The following HIVEP3 variants were observed in gnomAD, a reference collection of about 807,000 sequenced individuals.
HIVEP3 encodes the protein HIVEP zinc finger 3.
Under a neutral mutation model 152.8 loss-of-function variants are expected in HIVEP3, and 49 were observed. The observed-to-expected ratio is 0.32, with a 90% CI of 0.26 to 0.41. The LOEUF (loss-of-function observed/expected upper bound fraction) is 0.41, where lower values mean the gene tolerates loss of function less well. Among genes scored for constraint, HIVEP3 ranks in the 10% least tolerant of loss-of-function variants. HIVEP3 has a pLI of 1.00. For synonymous variants in HIVEP3, 1,269 were observed against 1,289.0 expected (o/e 0.98, Z 0.33); for missense variants, 2,790 against 3,103.3 (o/e 0.90, Z 2.40).
Position 41,510,893 on chromosome 1 carries a change from A to T in HIVEP3, c.6779T>A (p.Val2260Asp). The T allele has an allele frequency of 6.2e-7, 1 of 1,613,066 alleles. No individual in the cohort carries two copies. Among genetic ancestry groups the T allele is most frequent in the Non-Finnish European group, 8.5e-7 (1 of 1,179,778 alleles). Residue 2260 changes from valine (V) to aspartate (D), a missense_variant, in exon 9 of 9, where the codon GTC (valine) becomes GAC (aspartate). Transcript: ENST00000372583. ...SSASVSPVAK[V>D]SKFTLSSELE... ...CTCTGAGGAGAGTGTGAATTTGGAGACCTTAGCCACAGGCGACACGGAGGC... is the reference window on the plus strand; with the variant it reads ...CTCTGAGGAGAGTGTGAATTTGGAGTCCTTAGCCACAGGCGACACGGAGGC...
rs772841223 is a variant in HIVEP3 at position 41,583,257 on chromosome 1, T to C, written c.1541A>G (p.Glu514Gly). The C allele has an allele frequency of 1.9e-6, 3 of 1,613,326 alleles. No homozygotes were observed. In the South Asian group the frequency reaches 3.3e-5, roughly 18 times the overall value. Residue 514 changes from glutamate to glycine, a missense_variant, in exon 4 of 9, where the codon GAG becomes GGG. By Grantham distance (98) the Glu-to-Gly change is moderately conservative. Coordinates refer to ENST00000372583, the MANE Select transcript of HIVEP3 (RefSeq NM_024503.5). This position sits in a 1 kb window ranked among gnomAD's most constrained non-coding sequence, Gnocchi z 6.9. ...CAGTGATTGTTCAGGCTTGGTTTTC[T>C]CACTGTGGGATGACAGGGGCTCCCG... is the stretch of plus-strand genomic sequence containing the variant. ...LYREPLSSHS[E>G]KTKPEQSLLS...
chr1:41,983,290 T>TA (rs1449762442), intron 1 of HIVEP3, among the ~76,000 whole-genome samples: 1 of 152,168 alleles, frequency 6.6e-6, no homozygotes, highest in Non-Finnish European at 1.5e-5. Context: ...AAAAATTACT[T>TA]ACAGCAATGA....
chr1:41,866,046 C>G (rs553133031), intron 1 of HIVEP3, among the ~76,000 whole-genome samples: 1 of 152,186 alleles, frequency 6.6e-6, no homozygotes, highest in African/African-American at 2.4e-5. Flanking sequence ...CCCTACTGTC[C>G]ATTAACAAAA....
At chr1:41,684,056 G>A (rs1345535340) in intron 2 of HIVEP3, among the ~76,000 whole-genome samples, 2 of 152,198 alleles carry the variant, frequency 1.3e-5, no homozygotes, top group Non-Finnish European at 2.9e-5. Flanking sequence ...ACCTTTGCCT[G>A]ACCTTGAGAT....
intron 1 of HIVEP3, among the ~76,000 whole-genome samples, chr1:41,778,830 G>C (rs1251599828): frequency 2.6e-5 from 4 of 152,168 alleles, no homozygotes; most frequent in Non-Finnish European, 5.9e-5. Flanking sequence ...GCATGATGAG[G>C]GGTCTATGTT....
chr1:41,969,597 T>C (rs1194295166), intron 1 of HIVEP3, among the ~76,000 whole-genome samples: 1 of 152,078 alleles, frequency 6.6e-6, no homozygotes, highest in Non-Finnish European at 1.5e-5. Context: ...CTCAAAACTA[T>C]AAAAATTCTA....
chr1:41,927,031 C>A (rs982330473), intron 1 of HIVEP3, among the ~76,000 whole-genome samples: 1 of 152,096 alleles, frequency 6.6e-6, no homozygotes, highest in African/African-American at 2.4e-5. Flanking sequence ...CTGTCTCAGG[C>A]GAGGATGTAG....
intron 2 of HIVEP3, among the ~76,000 whole-genome samples, chr1:41,649,212 GGAGACAA>G (rs1327644726): frequency 2.6e-5 from 4 of 152,164 alleles, no homozygotes; most frequent in Non-Finnish European, 5.9e-5. Flanking sequence ...TCTTACTCTG[GGAGACAA>G]AAATGTCTCC....
At chr1:41,657,226 A>T (rs957062484) in intron 2 of HIVEP3, among the ~76,000 whole-genome samples, 1 of 152,210 alleles carries the variant, frequency 6.6e-6, no homozygotes, top group African/African-American at 2.4e-5. Flanking sequence ...ATTGACCCAC[A>T]CGGTGGCCTC....
Position 41,518,497 on chromosome 1 carries a change from A to G in HIVEP3, c.5384-9T>C. 1 of 1,611,704 alleles carries G rather than the reference A, an allele frequency of 6.2e-7. No homozygotes were observed. ...GTGCTTAGTCAGATTCCCTAGAAAG[A>G]AACGAGAATACTTAGGCTCTGCTAT... On this transcript the variant is annotated splice_polypyrimidine_tract_variant and intron_variant, in intron 6 of 8. Coordinates refer to ENST00000372583, the MANE Select transcript of HIVEP3 (RefSeq NM_024503.5).
At chr1:41,645,981 G>A (rs141121000) in intron 2 of HIVEP3, among the ~76,000 whole-genome samples, 114 of 152,242 alleles carry the variant, frequency 7.5e-4, no homozygotes, top group Non-Finnish European at 1.1e-3. Flanking sequence ...TGCACCCCGG[G>A]CACCTTGCTC....
At chr1:41,528,791 C>T (rs1261969525) in intron 5 of HIVEP3, among the ~76,000 whole-genome samples, 1 of 143,896 alleles carries the variant, frequency 6.9e-6, no homozygotes, top group African/African-American at 2.6e-5. Flanking sequence ...CACCCCCACC[C>T]TCACACTCAC....
chr1:41,864,310 G>A (rs1230447226), intron 1 of HIVEP3, among the ~76,000 whole-genome samples: 2 of 152,154 alleles, frequency 1.3e-5, no homozygotes, highest in Admixed American at 1.3e-4. Context: ...ACTTAGAGGA[G>A]GTCAGAGCCA....
At chr1:41,688,877 A>G (rs1433675496) in intron 2 of HIVEP3, among the ~76,000 whole-genome samples, 6 of 151,526 alleles carry the variant, frequency 4.0e-5, no homozygotes, top group African/African-American at 1.5e-4. Context: ...CCTGGAACAC[A>G]GGCCACCACC....
rs565027806 is a variant in HIVEP3, at chr1:41,918,038, G to T, written c.-801+375C>A. On this transcript the variant is annotated intron_variant, in intron 1 of 8. Coordinates refer to ENST00000372583, the MANE Select transcript of HIVEP3 (RefSeq NM_024503.5). The surrounding 1 kb of genome is among the most constrained non-coding windows in gnomAD (Gnocchi z 4.3). Reference sequence around the variant, plus strand: ...CTCCTATGGAGCCGGCCGCCAGTGCGCGGGTGCAGAGCCCAGCAGAGCCTG... The same window carrying T: ...CTCCTATGGAGCCGGCCGCCAGTGCTCGGGTGCAGAGCCCAGCAGAGCCTG... Among the ~76,000 whole-genome samples, 75 of 152,320 alleles carry T rather than the reference G, an allele frequency of 4.9e-4. No individual in the cohort carries two copies. Among genetic ancestry groups the T allele is most frequent in the African/African-American group, 1.7e-3 (71 of 41,590 alleles).
intron 1 of HIVEP3, among the ~76,000 whole-genome samples, chr1:41,861,653 G>T (rs1394348038): frequency 6.6e-6 from 1 of 152,202 alleles, no homozygotes; most frequent in Non-Finnish European, 1.5e-5. Flanking sequence ...GCCCTGGGAG[G>T]AGGATTTGTG....
intron 3 of HIVEP3, among the ~76,000 whole-genome samples, chr1:41,618,406 G>A (rs1284142150): frequency 1.3e-5 from 2 of 152,196 alleles, no homozygotes; most frequent in South Asian, 2.1e-4. Context: ...AAATGTGCTC[G>A]GGCCCTGAAC....
In HIVEP3 at chr1:41,533,850, A is replaced by G. The variant is rs1052178741; in HGVS notation, c.5208-8940T>C. On this transcript the variant is annotated intron_variant, in intron 5 of 8. Transcript: ENST00000372583. This position sits in a 1 kb window ranked among gnomAD's most constrained non-coding sequence, Gnocchi z 4.3. ...CTATACATCTAACTGCCTTAGTATC[A>G]CCTCTGGTGGTTTTCAGGCACCTCA... is the stretch of plus-strand genomic sequence containing the variant. Among the ~76,000 whole-genome samples, 1 of 151,672 alleles carries G rather than the reference A, an allele frequency of 6.6e-6. No homozygotes were observed. Among genetic ancestry groups the G allele is most frequent in the African/African-American group, 2.4e-5 (1 of 41,254 alleles).
At chr1:41,885,372 G>GA (rs774817790) in intron 1 of HIVEP3, among the ~76,000 whole-genome samples, 16 of 147,986 alleles carry the variant, frequency 1.1e-4, no homozygotes, top group Middle Eastern at 6.8e-3. Context: ...AGATGGCTAG[G>GA]AAAAAAAAAA....
Sources: gnomAD v4.1 joint callset for allele counts (sites outside exome capture counted in the v4.1 genomes callset) on GRCh38, gnomAD v4.1.1 for gene constraint, Gnocchi (gnomAD v3.1) non-coding constraint, MANE v1.5 for transcripts, NCBI Gene and HGNC (gene_info 2026-07-23, HGNC 2026-07-21) for gene names.